The following MCF2L variants were observed in gnomAD, a reference collection of about 807,000 sequenced individuals.
MCF2L encodes the protein MCF.2 cell line derived transforming sequence like.
MCF2L carries 97 observed loss-of-function variants against 153.4 expected under a neutral mutation model. The ratio of observed to expected loss-of-function variants is 0.63; its 90% CI spans 0.54 to 0.75. MCF2L has a LOEUF of 0.75. Ranked by LOEUF, MCF2L falls within the 30% of genes least tolerant of loss-of-function variation. The pLI is 0.00. For synonymous variants in MCF2L, 659 were observed against 632.2 expected (o/e 1.04, Z -0.64); for missense variants, 1,347 against 1,495.2 (o/e 0.90, Z 1.64).
intron 1 of MCF2L, chr13:113,001,873 G>A (rs1209017317): frequency 1.9e-6 from 3 of 1,564,084 alleles, no homozygotes; most frequent in South Asian, 2.3e-5. Flanking sequence ...GGGCGTTCCG[G>A]GAGCCGGGTC....
intron 1 of MCF2L, among the ~76,000 whole-genome samples, chr13:112,895,206 C>T (rs1384698716): frequency 6.6e-6 from 1 of 152,108 alleles, no homozygotes; most frequent in African/African-American, 2.4e-5. Context: ...AGGGCTGGGC[C>T]AGAGGGGGCT....
chr13:112,983,624 G>A lies in MCF2L; in HGVS notation c.79+14166G>A, dbSNP rs1425440877. Among the ~76,000 whole-genome samples, 1 of 152,238 alleles carries A rather than the reference G, an allele frequency of 6.6e-6. No homozygotes were observed. The highest frequency in any genetic ancestry group is 1.5e-5 in the Non-Finnish European group (1 of 68,038). On this transcript the variant is annotated intron_variant, in intron 1 of 29. Coordinates refer to ENST00000535094, the MANE Select transcript of MCF2L (RefSeq NM_001112732.3). This position sits in a 1 kb window ranked among gnomAD's most constrained non-coding sequence, Gnocchi z 4.0. Reference sequence around the variant, plus strand: ...GTCAGATGCCTGTGGCCTCTTTACAGCTCTGTCCCCTGCCTTATCTCGCTG... The same window carrying A: ...GTCAGATGCCTGTGGCCTCTTTACAACTCTGTCCCCTGCCTTATCTCGCTG...
chr13:113,089,811 G>T, intron 26 of MCF2L, 83 bp downstream of exon 26: 1 of 1,603,658 alleles, frequency 6.2e-7, no homozygotes, highest in South Asian at 1.1e-5. Flanking sequence ...CGAGAAACCT[G>T]CGCTTCCTGC....
At chr13:113,002,041 C>T (rs760362521) in intron 1 of MCF2L, 103 of 1,449,934 alleles carry the variant, frequency 7.1e-5, no homozygotes, top group East Asian at 1.1e-4. Context: ...GGCGACAGTG[C>T]GGGGACGCCG....
chr13:112,935,973 G>T (rs574130094), intron 2 of MCF2L, among the ~76,000 whole-genome samples: 1 of 152,102 alleles, frequency 6.6e-6, no homozygotes, highest in Non-Finnish European at 1.5e-5. Flanking sequence ...TCCTTCCCTC[G>T]CAGCCTCAGA....
chr13:113,050,293 T>TGA (rs1450978347), intron 4 of MCF2L, among the ~76,000 whole-genome samples: 2 of 148,522 alleles, frequency 1.3e-5, no homozygotes, highest in African/African-American at 2.5e-5. Flanking sequence ...TGTGAGAGTG[T>TGA]GTGTGTGTGA....
At chr13:113,011,441 T>TGTGGACGGTGGACAGGC (rs1566731660) in intron 1 of MCF2L, among the ~76,000 whole-genome samples, 2 of 142,624 alleles carry the variant, frequency 1.4e-5, no homozygotes, top group South Asian at 2.1e-4. Context: ...GGTGGACAGG[T>TGTGGACGGTGGACAGGC]GGTGTGGATG....
intron 15 of MCF2L, among the ~76,000 whole-genome samples, chr13:113,080,802 G>A (rs746604937): frequency 5.3e-4 from 80 of 152,220 alleles, no homozygotes; most frequent in East Asian, 3.8e-4. Context: ...GGCAGCAGGC[G>A]GGCGTCTTCT....
intron 1 of MCF2L, among the ~76,000 whole-genome samples, chr13:112,899,961 G>T (rs1441682816): frequency 6.6e-6 from 1 of 151,572 alleles, no homozygotes; most frequent in Admixed American, 6.6e-5. Flanking sequence ...CCTTGGGTTG[G>T]TTTCTGGATG....
intron 1 of MCF2L, among the ~76,000 whole-genome samples, chr13:112,992,491 G>C (rs773317404): frequency 1.3e-5 from 2 of 152,230 alleles, no homozygotes; most frequent in Non-Finnish European, 2.9e-5. Context: ...ACCCACCCAG[G>C]TGCTCCAGAC....
At chr13:113,026,397 G>A (rs2085309350) in intron 3 of MCF2L, among the ~76,000 whole-genome samples, 1 of 152,208 alleles carries the variant, frequency 6.6e-6, no homozygotes, top group Non-Finnish European at 1.5e-5. Context: ...GAGGAGCTCA[G>A]GAGTCTGCCT....
chr13:113,014,892 G>A, intron 2 of MCF2L, 46 bp downstream of exon 2: 1 of 1,577,604 alleles, frequency 6.3e-7, no homozygotes, highest in Non-Finnish European at 8.7e-7. Flanking sequence ...GGGGTCTGGG[G>A]CCGGGTGTGG....
At chr13:113,078,518 C>T (rs576309163) in intron 14 of MCF2L, 82 bp downstream of exon 14, 105 of 1,401,678 alleles carry the variant, frequency 7.5e-5, no homozygotes, top group South Asian at 4.6e-4. Flanking sequence ...GTGGCCCCCC[C>T]TCCCGGGCAC....
At position 112,969,797 on chromosome 13, in the gene MCF2L, T is replaced by A. The variant is rs1161689505; in HGVS notation, c.79+339T>A. 6.6e-6 allele frequency among the ~76,000 whole-genome samples: 1 copy of A among 152,118 alleles called. No individual in the cohort carries two copies. Among genetic ancestry groups the A allele is most frequent in the Non-Finnish European group, 1.5e-5 (1 of 68,014 alleles). On this transcript the variant is annotated intron_variant, in intron 1 of 29. Transcript: ENST00000535094. The surrounding 1 kb of genome is among the most constrained non-coding windows in gnomAD (Gnocchi z 4.8). Reference sequence around the variant, plus strand: ...AGAATGCATTGCGAATGGAGAATGATCTGAGCCAAGGGCTTTCAGAGCTTG... The same window carrying A: ...AGAATGCATTGCGAATGGAGAATGAACTGAGCCAAGGGCTTTCAGAGCTTG...
Position 113,030,428 on chromosome 13 carries a change from C to T in MCF2L, c.278+5670C>T, listed in dbSNP as rs191924366. On this transcript the variant is annotated intron_variant, in intron 3 of 29. Coordinates refer to ENST00000535094, the MANE Select transcript of MCF2L (RefSeq NM_001112732.3). ...ATGTGGGCCCTCGGGTGTCCGCCGACGCCCGGTGTGGACTCTCAGGTGTCC... is the reference window on the plus strand; with the variant it reads ...ATGTGGGCCCTCGGGTGTCCGCCGATGCCCGGTGTGGACTCTCAGGTGTCC... Among the ~76,000 whole-genome samples the T allele has an allele frequency of 3.0e-4, 33 of 111,140 alleles. 1 individual carries two copies. Among genetic ancestry groups the T allele is most frequent in the South Asian group, 6.2e-4 (2 of 3,208 alleles). 72.9% of individuals were successfully genotyped at this position (111,140 alleles called of 152,430 possible). A position where few individuals can be genotyped will look rare whatever the true frequency, so the allele number is the denominator to read the frequency against.
Position 113,060,687 on chromosome 13 carries a change from G to T in MCF2L, c.464G>T (p.Arg155Ile), listed in dbSNP as rs753251608. ...TLSDIAFKFN[R>I]DDFKMKVPVI... ...TCCGACATCGCTTTCAAATTCAATA[G>T]AGATGACTTTAAGATGAAGGTGCCG... Residue 155 changes from arginine (R) to isoleucine (I), a missense_variant, in exon 5 of 30, where the codon AGA (arginine) becomes ATA (isoleucine). Arg to Ile is a moderately conservative substitution (Grantham distance 97). Transcript: ENST00000535094. 1 of 1,613,528 alleles carries T rather than the reference G, an allele frequency of 6.2e-7. No homozygotes were observed. Among genetic ancestry groups the T allele is most frequent in the Non-Finnish European group, 8.5e-7 (1 of 1,179,964 alleles).
At chr13:112,997,279 T>C (rs912795829) in intron 1 of MCF2L, among the ~76,000 whole-genome samples, 4 of 152,194 alleles carry the variant, frequency 2.6e-5, no homozygotes, top group African/African-American at 9.7e-5. Flanking sequence ...GCAGATGCCA[T>C]CTGCGCTTCC....
At chr13:112,973,054 C>T (rs373421983) in intron 1 of MCF2L, among the ~76,000 whole-genome samples, 32 of 151,802 alleles carry the variant, frequency 2.1e-4, no homozygotes, top group Non-Finnish European at 3.8e-4. Flanking sequence ...TCTGGGGGGA[C>T]GCGCCCAGGA....
rs1159050069 is a variant in MCF2L, at chr13:112,907,643, T to G, written c.169+5272T>G. Among the ~76,000 whole-genome samples the G allele has an allele frequency of 6.6e-6, 1 of 152,200 alleles. No homozygotes were observed. The highest frequency in any genetic ancestry group is 1.5e-5 in the Non-Finnish European group (1 of 68,040). On this transcript the variant is annotated intron_variant, in intron 2 of 29. Coordinates refer to the MCF2L transcript ENST00000375608. This position sits in a 1 kb window ranked among gnomAD's most constrained non-coding sequence, Gnocchi z 5.1. Reference sequence around the variant, plus strand: ...TGTTGTATGCTGATGGACTGGTTTCTCTTGGCCCACAGAAAATGTTCTTTA... The same window carrying G: ...TGTTGTATGCTGATGGACTGGTTTCGCTTGGCCCACAGAAAATGTTCTTTA...
Sources: gnomAD v4.1 joint callset for allele counts (sites outside exome capture counted in the v4.1 genomes callset) on GRCh38, gnomAD v4.1.1 for gene constraint, Gnocchi (gnomAD v3.1) non-coding constraint, MANE v1.5 for transcripts, NCBI Gene and HGNC (gene_info 2026-07-23, HGNC 2026-07-21) for gene names.